The following SNTG1 variants were observed in gnomAD, a reference collection of about 807,000 sequenced individuals.
The protein encoded by SNTG1 is gamma-1-syntrophin.
SNTG1 carries 39 observed loss-of-function variants against 74.7 expected under a neutral mutation model. The observed-to-expected ratio is 0.52, with a 90% confidence interval of 0.40 to 0.68. The LOEUF is 0.68. Ranked by LOEUF, SNTG1 falls within the 30% of genes least tolerant of loss-of-function variation. The probability of loss-of-function intolerance (pLI) is 0.00; values close to 1 mark genes in which losing one functional copy is unlikely to be tolerated. For synonymous variants in SNTG1, 254 were observed against 217.1 expected (o/e 1.17, Z -1.49); for missense variants, 685 against 609.5 (o/e 1.12, Z -1.30).
At chr8:50,253,467 A>C (rs148430325) in intron 2 of SNTG1, among the ~76,000 whole-genome samples, 11 of 151,784 alleles carry the variant, frequency 7.2e-5, no homozygotes, top group African/African-American at 2.6e-4. Flanking sequence ...GAGCTACCAT[A>C]TGAGCCATTG....
At chr8:50,418,345 T>G (rs1007437426) in intron 4 of SNTG1, among the ~76,000 whole-genome samples, 1 of 152,158 alleles carries the variant, frequency 6.6e-6, no homozygotes, top group Non-Finnish European at 1.5e-5. Flanking sequence ...TACGGGCTTC[T>G]TGGGTACCCT....
intron 17 of SNTG1, among the ~76,000 whole-genome samples, chr8:50,716,127 G>A (rs949079638): frequency 7.9e-5 from 12 of 151,756 alleles, no homozygotes; most frequent in African/African-American, 2.9e-4. Context: ...ACATCTTTAG[G>A]CTTTTTATAT....
At chr8:50,041,814 G>A (rs1051361848) in intron 1 of SNTG1, among the ~76,000 whole-genome samples, 1 of 152,110 alleles carries the variant, frequency 6.6e-6, no homozygotes, top group Admixed American at 6.5e-5. Flanking sequence ...TAATGAGTTT[G>A]TTCAAGAGCA....
At chr8:50,072,405 T>C (rs1161727046) in intron 1 of SNTG1, among the ~76,000 whole-genome samples, 1 of 152,178 alleles carries the variant, frequency 6.6e-6, no homozygotes, top group Non-Finnish European at 1.5e-5. Context: ...AGTTATTCTT[T>C]AGGAGGAAGA....
At chr8:49,974,429 C>A (rs1204265680) in intron 1 of SNTG1, among the ~76,000 whole-genome samples, 4 of 152,176 alleles carry the variant, frequency 2.6e-5, no homozygotes, top group African/African-American at 7.2e-5. Flanking sequence ...GAAAAGGAAT[C>A]TATATGCCCA....
At position 50,792,726 on chromosome 8, in the gene SNTG1, C is replaced by G; in HGVS notation, c.1451C>G (p.Ala484Gly). Reference sequence around the variant, plus strand: ...CTTCACTGCATTCATTCCTTCTTTGCTGCCAAGGTAGCTTGTTTGGACCCT... The same window carrying G: ...CTTCACTGCATTCATTCCTTCTTTGGTGCCAAGGTAGCTTGTTTGGACCCT... ...AVLHCIHSFF[A>G]AKVACLDPLF... is the part of the protein sequence containing the mutation. The change falls in exon 19 of 19, where the codon GCT becomes GGT. Residue 484 changes from alanine to glycine, a missense_variant. Transcript: ENST00000642720. The G allele has an allele frequency of 6.2e-7, 1 of 1,612,460 alleles. No homozygotes were observed. Among genetic ancestry groups the G allele is most frequent in the Non-Finnish European group, 8.5e-7 (1 of 1,178,906 alleles).
intron 1 of SNTG1, among the ~76,000 whole-genome samples, chr8:50,053,939 A>ACAAGATAC (rs1410667326): frequency 1.3e-5 from 2 of 152,078 alleles, no homozygotes; most frequent in Non-Finnish European, 2.9e-5. Flanking sequence ...CAGGTGGAGA[A>ACAAGATAC]CAAGATACTT....
At chr8:50,715,361 G>C (rs2095472504) in intron 17 of SNTG1, among the ~76,000 whole-genome samples, 1 of 152,160 alleles carries the variant, frequency 6.6e-6, no homozygotes, top group Admixed American at 6.5e-5. Flanking sequence ...GTTATAGTCT[G>C]ATTGCTTTTA....
At chr8:50,098,485 T>A (rs1194887071) in intron 1 of SNTG1, among the ~76,000 whole-genome samples, 3 of 152,162 alleles carry the variant, frequency 2.0e-5, no homozygotes, top group Non-Finnish European at 4.4e-5. Context: ...ATACGTAATC[T>A]AGAGATAAGT....
intron 2 of SNTG1, among the ~76,000 whole-genome samples, chr8:50,197,771 TAC>T (rs1302375638): frequency 6.6e-6 from 1 of 152,182 alleles, no homozygotes; most frequent in Non-Finnish European, 1.5e-5. Flanking sequence ...GTTATGCAGG[TAC>T]ACAGTTTTAT....
At chr8:50,103,066 C>G (rs1445044853) in intron 1 of SNTG1, among the ~76,000 whole-genome samples, 3 of 151,882 alleles carry the variant, frequency 2.0e-5, no homozygotes, top group Admixed American at 6.6e-5. Flanking sequence ...TCCATATGAA[C>G]TTGAAAGTAG....
At chr8:50,708,351 C>T (rs11993958) in intron 16 of SNTG1, 31,789 of 153,300 alleles carry the variant, frequency 0.21, 3,399 homozygotes, top group South Asian at 0.31. Flanking sequence ...CGTGCAATAT[C>T]GAAGAACAGA....
chr8:50,522,542 C>T (rs77216996), intron 9 of SNTG1, among the ~76,000 whole-genome samples: 8,198 of 150,566 alleles, frequency 0.054, 332 homozygotes, highest in South Asian at 0.18. Flanking sequence ...AACAAGAGTT[C>T]GCTGAAGCTT....
At chr8:50,580,150 C>A (rs916295202) in intron 12 of SNTG1, among the ~76,000 whole-genome samples, 9 of 152,234 alleles carry the variant, frequency 5.9e-5, no homozygotes, top group Admixed American at 1.3e-4. Flanking sequence ...CATTTTCGAA[C>A]CTTAAAGTTT....
intron 4 of SNTG1, among the ~76,000 whole-genome samples, chr8:50,425,044 C>A (rs760967513): frequency 9.2e-5 from 14 of 151,964 alleles, no homozygotes; most frequent in Non-Finnish European, 1.9e-4. Context: ...GTAGAGATAG[C>A]ATTTTTTAAA....
chr8:50,525,032 T>C (rs1397789173), intron 9 of SNTG1, among the ~76,000 whole-genome samples: 7 of 152,178 alleles, frequency 4.6e-5, no homozygotes, highest in East Asian at 3.9e-4. Flanking sequence ...ATTTGAAGAA[T>C]TGTCTTTAGC....
intron 11 of SNTG1, among the ~76,000 whole-genome samples, chr8:50,541,769 C>G (rs1212664136): frequency 6.6e-6 from 1 of 151,880 alleles, no homozygotes; most frequent in African/African-American, 2.4e-5. Context: ...ATGTCTTATA[C>G]TATACTATAT....
intron 1 of SNTG1, among the ~76,000 whole-genome samples, chr8:49,999,952 A>T (rs1232069955): frequency 6.6e-6 from 1 of 152,302 alleles, no homozygotes; most frequent in African/African-American, 2.4e-5. Context: ...GGCCTCGATC[A>T]GTTCCTGGCT....
At chr8:50,473,845 T>A (rs1255394209) in intron 8 of SNTG1, among the ~76,000 whole-genome samples, 2 of 152,160 alleles carry the variant, frequency 1.3e-5, no homozygotes, top group African/African-American at 4.8e-5. Flanking sequence ...AAACCACTTA[T>A]ATGGGGTACC....
Sources: allele counts gnomAD v4.1 joint callset (sites outside exome capture counted in the v4.1 genomes callset), GRCh38; gene constraint gnomAD v4.1.1; transcripts MANE v1.5; gene names NCBI Gene and HGNC (gene_info 2026-07-23, HGNC 2026-07-21).